CAMTA1: variants seen among roughly 807,000 people sequenced by gnomAD.
CAMTA1 encodes calmodulin binding transcription activator 1.
In CAMTA1, 27 loss-of-function variants were observed where a neutral mutation model predicts 170.9. The ratio of observed to expected loss-of-function variants is 0.16; its 90% CI spans 0.12 to 0.22. The LOEUF (loss-of-function observed/expected upper bound fraction) is 0.22, where lower values mean the gene tolerates loss of function less well. Ranked by LOEUF, CAMTA1 falls within the 10% of genes least tolerant of loss-of-function variation. The pLI, the probability that CAMTA1 is intolerant of heterozygous loss-of-function variation, is 1.00. For synonymous variants in CAMTA1, 833 were observed against 891.5 expected, an observed-to-expected ratio of 0.93 and a Z score of 1.17; for missense variants, 1,619 against 2,217.2, an observed-to-expected ratio of 0.73 and a Z score of 5.42.
intron 4 of CAMTA1, among the ~76,000 whole-genome samples, chr1:7,147,508 C>G (rs1251877160): frequency 6.6e-6 from 1 of 151,310 alleles, no homozygotes; most frequent in Non-Finnish European, 1.5e-5. Flanking sequence ...AAATATACAC[C>G]ATGCATGCAC....
At chr1:7,693,402 T>G (rs1237107268) in intron 11 of CAMTA1, 1 of 152,168 alleles carries the variant, frequency 6.6e-6, no homozygotes, top group African/African-American at 2.4e-5. Context: ...AAGATGAGAT[T>G]TGGGTGGGGA....
intron 6 of CAMTA1, among the ~76,000 whole-genome samples, chr1:7,616,360 T>C (rs1246014675): frequency 6.6e-6 from 1 of 152,258 alleles, no homozygotes; most frequent in African/African-American, 2.4e-5. Context: ...CACTCTGTTC[T>C]TGAGCCCACG....
chr1:6,989,822 C>T (rs762638604), intron 3 of CAMTA1, among the ~76,000 whole-genome samples: 34 of 152,144 alleles, frequency 2.2e-4, no homozygotes, highest in Non-Finnish European at 3.8e-4. Flanking sequence ...ATTACCTAGA[C>T]CTTTCAAAAC....
chr1:7,191,045 T>C (rs1159112962), intron 4 of CAMTA1, among the ~76,000 whole-genome samples: 1 of 152,360 alleles, frequency 6.6e-6, no homozygotes, highest in East Asian at 1.9e-4. Flanking sequence ...ACTGAGATAG[T>C]GCAGGTTGTG....
rs575119785 is a variant in CAMTA1, at chr1:7,510,566, C to T, written c.510+42665C>T. On this transcript the variant is annotated intron_variant, in intron 6 of 22. Coordinates refer to ENST00000303635, the MANE Select transcript of CAMTA1 (RefSeq NM_015215.4). ...GGCAGAGCCCAGTCTGCCACAGGCA[C>T]TGGAGAAGGAAGAGGATTTCACACA... Among the ~76,000 whole-genome samples, 6 of 146,792 alleles carry T rather than the reference C, an allele frequency of 4.1e-5. 1 individual carries two copies. The highest frequency in any genetic ancestry group is 6.1e-5 in the Non-Finnish European group (4 of 65,258).
chr1:7,758,366 T>C (rs1200941584), intron 22 of CAMTA1, among the ~76,000 whole-genome samples: 1 of 152,226 alleles, frequency 6.6e-6, no homozygotes, highest in Admixed American at 6.5e-5. Context: ...TGGAATCTCA[T>C]GACACCCCTT....
At chr1:7,355,592 C>T (rs1409002443) in intron 5 of CAMTA1, among the ~76,000 whole-genome samples, 3 of 152,238 alleles carry the variant, frequency 2.0e-5, no homozygotes, top group Non-Finnish European at 4.4e-5. Flanking sequence ...AGCCCTCTGC[C>T]AAGTCTTCCG....
intron 3 of CAMTA1, among the ~76,000 whole-genome samples, chr1:6,996,629 G>A (rs1697290619): frequency 6.6e-6 from 1 of 151,652 alleles, no homozygotes. Context: ...TTCTATCTGA[G>A]TATTAGCTGC....
intron 6 of CAMTA1, among the ~76,000 whole-genome samples, chr1:7,627,491 G>C (rs1389103959): frequency 3.3e-5 from 5 of 152,210 alleles, no homozygotes; most frequent in African/African-American, 1.2e-4. Flanking sequence ...CTCGGGCACT[G>C]TTCAAATGCT....
chr1:6,847,629 C>T (rs1233055878), intron 3 of CAMTA1, among the ~76,000 whole-genome samples: 1 of 151,664 alleles, frequency 6.6e-6, no homozygotes, highest in Non-Finnish European at 1.5e-5. Flanking sequence ...ACCTCTGCCT[C>T]CTGGGTTCAA....
intron 1 of CAMTA1, among the ~76,000 whole-genome samples, chr1:6,803,308 G>C (rs375015545): frequency 6.6e-6 from 1 of 152,330 alleles, no homozygotes; most frequent in Middle Eastern, 3.4e-3. Context: ...GTAGAAAGCA[G>C]AAAACAAGCG....
At chr1:7,637,662 C>T (rs988923132) in intron 6 of CAMTA1, among the ~76,000 whole-genome samples, 6 of 152,190 alleles carry the variant, frequency 3.9e-5, no homozygotes, top group African/African-American at 1.4e-4. Context: ...GATGTCCTGG[C>T]AGGACCCGAA....
intron 5 of CAMTA1, among the ~76,000 whole-genome samples, chr1:7,358,502 G>A (rs140090188): frequency 2.4e-3 from 363 of 152,108 alleles, no homozygotes; most frequent in African/African-American, 8.4e-3. Context: ...GGCTGCTTCC[G>A]GTGCGGAGCC....
chr1:7,053,831 T>A (rs532398951), intron 3 of CAMTA1, among the ~76,000 whole-genome samples: 30 of 152,344 alleles, frequency 2.0e-4, no homozygotes, highest in African/African-American at 7.2e-4. Context: ...TTGCTCAGCA[T>A]GTCTCTGTGA....
chr1:7,415,544 G>A (rs1046112524), intron 5 of CAMTA1, among the ~76,000 whole-genome samples: 91 of 151,680 alleles, frequency 6.0e-4, no homozygotes, highest in Non-Finnish European at 1.2e-3. Flanking sequence ...GATCTTTGTT[G>A]GTTTAAAGTC....
intron 6 of CAMTA1, among the ~76,000 whole-genome samples, chr1:7,523,135 G>A (rs1006369542): frequency 6.6e-6 from 1 of 152,176 alleles, no homozygotes; most frequent in African/African-American, 2.4e-5. Flanking sequence ...CCAAAGTTCT[G>A]GGATTACAGG....
At chr1:6,811,008 T>G (rs1645102970) in intron 1 of CAMTA1, among the ~76,000 whole-genome samples, 1 of 152,182 alleles carries the variant, frequency 6.6e-6, no homozygotes, top group Non-Finnish European at 1.5e-5. Context: ...GTTGGGATAG[T>G]CAGGTGGTGA....
chr1:7,117,719 G>A (rs945483065), intron 4 of CAMTA1, among the ~76,000 whole-genome samples: 1 of 152,102 alleles, frequency 6.6e-6, no homozygotes, highest in African/African-American at 2.4e-5. Flanking sequence ...ACCAGTTAAG[G>A]GAGTGTCTAA....
intron 7 of CAMTA1, among the ~76,000 whole-genome samples, chr1:7,659,260 C>T (rs771088305): frequency 3.9e-5 from 6 of 152,226 alleles, no homozygotes; most frequent in Non-Finnish European, 5.9e-5. Flanking sequence ...AGAGGCTGGG[C>T]GTGGTGGCTC....
Sources: allele counts gnomAD v4.1 joint callset (sites outside exome capture counted in the v4.1 genomes callset), GRCh38; gene constraint gnomAD v4.1.1; transcripts MANE v1.5; gene names NCBI Gene and HGNC (gene_info 2026-07-23, HGNC 2026-07-21).